GRM3: variants seen among roughly 807,000 people sequenced by gnomAD.
GRM3 encodes glutamate metabotropic receptor 3.
In GRM3, 26 loss-of-function variants were observed where a neutral mutation model predicts 70.5. That is an observed-to-expected ratio of 0.37 (90% CI 0.27 to 0.51). The LOEUF is 0.51. Among genes scored for constraint, GRM3 ranks in the 20% least tolerant of loss-of-function variants. The pLI, the probability that GRM3 is intolerant of heterozygous loss-of-function variation, is 0.93. For missense variants in GRM3, 859 were observed against 1,123.8 expected, an observed-to-expected ratio of 0.76 and a Z score of 3.37; for synonymous variants, 443 against 434.9, an observed-to-expected ratio of 1.02 and a Z score of -0.23.
At chr7:86,849,355 C>T (rs751803698) in intron 4 of GRM3, among the ~76,000 whole-genome samples, 17 of 152,156 alleles carry the variant, frequency 1.1e-4, no homozygotes, top group Middle Eastern at 3.4e-3. Context: ...TTTAAAATGA[C>T]GAGGATGGAT....
At chr7:86,852,258 C>T in intron 5 of GRM3, among the ~76,000 whole-genome samples, 1 of 152,226 alleles carries the variant, frequency 6.6e-6, no homozygotes, top group South Asian at 2.1e-4. Context: ...TAGCTCAGAA[C>T]TTTTGCTTGT....
At chr7:86,676,395 A>G (rs1255419313) in intron 1 of GRM3, among the ~76,000 whole-genome samples, 1 of 150,944 alleles carries the variant, frequency 6.6e-6, no homozygotes, top group Non-Finnish European at 1.5e-5. Context: ...AAAAATTAAC[A>G]AGGTAAAATA....
intron 2 of GRM3, among the ~76,000 whole-genome samples, chr7:86,771,801 A>G (rs989802400): frequency 6.6e-6 from 1 of 152,116 alleles, no homozygotes; most frequent in Non-Finnish European, 1.5e-5. Flanking sequence ...AGAATTGAAC[A>G]GGGGAAAGAC....
rs148405650 is a variant in GRM3 at position 86,812,887 on chromosome 7, C to CA, written c.1324+25772dup. On this transcript the variant is annotated intron_variant, in intron 3 of 5. Transcript: ENST00000361669. ...GCCAGTTCATTCATATCTAGAGACC[C>CA]AGTTTGCTCTATGTAATGAACAACT... Among the ~76,000 whole-genome samples the CA allele has an allele frequency of 8.9e-3, 1,345 of 151,768 alleles. 20 individuals carry two copies. Among genetic ancestry groups the CA allele is most frequent in the African/African-American group, 0.03 (1,238 of 41,460 alleles).
intron 1 of GRM3, among the ~76,000 whole-genome samples, chr7:86,684,021 C>A (rs1440238828): frequency 6.6e-6 from 1 of 151,966 alleles, no homozygotes. Context: ...GTATTGCATT[C>A]TTTTTACTAT....
chr7:86,662,690 T>C (rs61007719), intron 1 of GRM3, among the ~76,000 whole-genome samples: 5,432 of 152,048 alleles, frequency 0.036, 319 homozygotes, highest in African/African-American at 0.12. Context: ...GCCTGTAATA[T>C]ATCTCCTTAA....
chr7:86,723,436 G>A (rs1795520727), intron 1 of GRM3, among the ~76,000 whole-genome samples: 2 of 151,996 alleles, frequency 1.3e-5, no homozygotes, highest in South Asian at 4.1e-4. Context: ...TTTTAAATGG[G>A]CCTGATACTC....
chr7:86,776,951 G>A (rs1018315834), intron 2 of GRM3, among the ~76,000 whole-genome samples: 3 of 152,128 alleles, frequency 2.0e-5, no homozygotes, highest in African/African-American at 7.2e-5. Context: ...ATGCATGGGG[G>A]AAAAGGGAAG....
At chr7:86,821,969 G>T (rs559046854) in intron 3 of GRM3, among the ~76,000 whole-genome samples, 10 of 145,920 alleles carry the variant, frequency 6.9e-5, no homozygotes, top group South Asian at 2.2e-4. Context: ...AACAGATTTT[G>T]TATAAAACAT....
chr7:86,823,582 A>ATTTTT (rs35792615), intron 3 of GRM3, among the ~76,000 whole-genome samples: 7 of 43,116 alleles, frequency 1.6e-4, no homozygotes, highest in African/African-American at 5.1e-4. Flanking sequence ...TGTGTGAGGT[A>ATTTTT]TTTTTTTTTT....
chr7:86,802,954 C>G (rs1284079027), intron 3 of GRM3, among the ~76,000 whole-genome samples: 1 of 152,140 alleles, frequency 6.6e-6, no homozygotes, highest in Non-Finnish European at 1.5e-5. Context: ...TCAGAGTTTT[C>G]TATCACAAAG....
chr7:86,820,782 GA>G (rs968811395), intron 3 of GRM3, among the ~76,000 whole-genome samples: 19 of 151,610 alleles, frequency 1.3e-4, no homozygotes, highest in South Asian at 4.2e-4. Context: ...TCCCTGAGAG[GA>G]AAAAAAACAG....
rs888984841 is a variant in GRM3 at position 86,836,260 on chromosome 7, C to T, written c.1325-2579C>T. On this transcript the variant is annotated intron_variant, in intron 3 of 5. Coordinates refer to ENST00000361669, the MANE Select transcript of GRM3 (RefSeq NM_000840.3). Reference sequence around the variant, plus strand: ...TGTAGCTAAATTTTTAAAGAACCTACGCTTTGACCCAACAGTTTTTCTTCT... The same window carrying T: ...TGTAGCTAAATTTTTAAAGAACCTATGCTTTGACCCAACAGTTTTTCTTCT... 4.6e-5 allele frequency among the ~76,000 whole-genome samples: 7 copies of T among 152,030 alleles called. No individual in the cohort carries two copies. In the South Asian group the frequency reaches 8.3e-4, roughly 18 times the overall value.
intron 1 of GRM3, among the ~76,000 whole-genome samples, chr7:86,664,154 T>A (rs1039821037): frequency 2.6e-5 from 4 of 152,098 alleles, no homozygotes; most frequent in African/African-American, 7.2e-5. Flanking sequence ...TTTCTTTTTT[T>A]TAAAAAAGAC....
At chr7:86,714,871 T>C (rs1795280434) in intron 1 of GRM3, among the ~76,000 whole-genome samples, 1 of 151,922 alleles carries the variant, frequency 6.6e-6, no homozygotes, top group Non-Finnish European at 1.5e-5. Context: ...GAGGTGAAAA[T>C]TATAAAAAGA....
At chr7:86,663,133 G>C (rs929077461) in intron 1 of GRM3, among the ~76,000 whole-genome samples, 1 of 151,698 alleles carries the variant, frequency 6.6e-6, no homozygotes, top group Non-Finnish European at 1.5e-5. Context: ...AGATCTCTCA[G>C]GGTATACATG....
At chr7:86,660,419 C>T (rs1333802272) in intron 1 of GRM3, among the ~76,000 whole-genome samples, 2 of 151,940 alleles carry the variant, frequency 1.3e-5, no homozygotes, top group Non-Finnish European at 2.9e-5. Flanking sequence ...CATTGGAAAA[C>T]TCTAATTCCC....
intron 3 of GRM3, among the ~76,000 whole-genome samples, chr7:86,811,419 G>A (rs1797906298): frequency 6.6e-6 from 1 of 151,718 alleles, no homozygotes; most frequent in Non-Finnish European, 1.5e-5. Context: ...CATCCTAGGT[G>A]TATGATTTTC....
chr7:86,711,178 TTTA>T (rs1795191579), intron 1 of GRM3, among the ~76,000 whole-genome samples: 2 of 151,614 alleles, frequency 1.3e-5, no homozygotes, highest in South Asian at 2.1e-4. Flanking sequence ...TTTAATTTAA[TTTA>T]ATTTTATTTT....
Sources: allele counts gnomAD v4.1 joint callset (sites outside exome capture counted in the v4.1 genomes callset), GRCh38; gene constraint gnomAD v4.1.1; transcripts MANE v1.5; gene names NCBI Gene and HGNC (gene_info 2026-07-23, HGNC 2026-07-21).